Variants in GPR39 observed in about 807,000 individuals in gnomAD.
The protein encoded by GPR39 is G protein-coupled receptor 39.
In GPR39, 23 loss-of-function variants were observed where a neutral mutation model predicts 18.4. The observed-to-expected ratio is 1.25, with a 90% CI of 0.90 to 1.77. The LOEUF is 1.77. Among genes scored for constraint, GPR39 ranks in the 40% most tolerant of loss-of-function variants. The pLI is 0.00. For missense variants in GPR39, 647 were observed against 602.4 expected (o/e 1.07, Z -0.78); for synonymous variants, 280 against 257.9 (o/e 1.09, Z -0.82).
At chr2:132,547,868 T>G (rs1679976702) in intron 1 of GPR39, among the ~76,000 whole-genome samples, 1 of 152,198 alleles carries the variant, frequency 6.6e-6, no homozygotes, top group Admixed American at 6.5e-5. Flanking sequence ...CTAAGGCTGT[T>G]TAGGAATGTG....
intron 1 of GPR39, among the ~76,000 whole-genome samples, chr2:132,480,043 A>T (rs1391912805): frequency 2.0e-5 from 3 of 152,222 alleles, no homozygotes; most frequent in Non-Finnish European, 4.4e-5. Flanking sequence ...CCATCAACAG[A>T]TGGTATATAC....
intron 1 of GPR39, among the ~76,000 whole-genome samples, chr2:132,536,818 G>C (rs547719350): frequency 6.6e-6 from 1 of 152,220 alleles, no homozygotes; most frequent in Non-Finnish European, 1.5e-5. Flanking sequence ...TTACCGTTAT[G>C]TAATGCACTT....
At chr2:132,525,994 A>G (rs1448947605) in intron 1 of GPR39, among the ~76,000 whole-genome samples, 2 of 152,198 alleles carry the variant, frequency 1.3e-5, no homozygotes, top group Non-Finnish European at 2.9e-5. Context: ...CTTTTCTAGG[A>G]AAACAGACCA....
chr2:132,586,918 T>C (rs1680741103), intron 1 of GPR39, among the ~76,000 whole-genome samples: 1 of 152,222 alleles, frequency 6.6e-6, no homozygotes, highest in Non-Finnish European at 1.5e-5. Flanking sequence ...CAGGTTGATG[T>C]CCATCAGAAA....
chr2:132,474,276 G>A (rs186944359), intron 1 of GPR39, among the ~76,000 whole-genome samples: 60 of 152,312 alleles, frequency 3.9e-4, no homozygotes, highest in African/African-American at 1.1e-3. Flanking sequence ...TCTTCCTCAA[G>A]GAAACCTAAT....
intron 1 of GPR39, among the ~76,000 whole-genome samples, chr2:132,586,060 G>A (rs1015333152): frequency 4.0e-5 from 6 of 150,614 alleles, no homozygotes; most frequent in Non-Finnish European, 7.4e-5. Flanking sequence ...GCTGCCGCTG[G>A]TGGGAAGCTG....
intron 1 of GPR39, among the ~76,000 whole-genome samples, chr2:132,570,226 C>T (rs1680418911): frequency 6.6e-6 from 1 of 152,086 alleles, no homozygotes; most frequent in Non-Finnish European, 1.5e-5. Flanking sequence ...CTTCAACTGC[C>T]CTGCTCTCTG....
At chr2:132,639,613 C>T (rs779327565) in intron 1 of GPR39, among the ~76,000 whole-genome samples, 5 of 152,052 alleles carry the variant, frequency 3.3e-5, no homozygotes, top group African/African-American at 7.2e-5. Flanking sequence ...GATGGATGGA[C>T]GGATGAATGG....
intron 1 of GPR39, among the ~76,000 whole-genome samples, chr2:132,421,496 A>T: frequency 6.6e-6 from 1 of 152,194 alleles, no homozygotes; most frequent in East Asian, 1.9e-4. Flanking sequence ...ATCATAGAAG[A>T]TTCATAACTC....
intron 1 of GPR39, among the ~76,000 whole-genome samples, chr2:132,480,717 G>A (rs768018525): frequency 9.9e-5 from 15 of 152,212 alleles, no homozygotes; most frequent in African/African-American, 1.4e-4. Context: ...CTTATGTGGG[G>A]AGATAAGGAG....
intron 1 of GPR39, among the ~76,000 whole-genome samples, chr2:132,617,841 G>A (rs1285536013): frequency 6.6e-6 from 1 of 152,196 alleles, no homozygotes; most frequent in African/African-American, 2.4e-5. Context: ...AAATATCTGA[G>A]CCTCAGTGTC....
intron 1 of GPR39, among the ~76,000 whole-genome samples, chr2:132,499,266 C>A (rs1017300375): frequency 1.3e-5 from 2 of 152,146 alleles, no homozygotes; most frequent in African/African-American, 4.8e-5. Flanking sequence ...CAGTTTCATT[C>A]TTCTACGTGT....
intron 1 of GPR39, among the ~76,000 whole-genome samples, chr2:132,539,671 C>T (rs931050494): frequency 6.6e-6 from 1 of 152,128 alleles, no homozygotes; most frequent in African/African-American, 2.4e-5. Flanking sequence ...GAGTGCTTGC[C>T]TGGGTGGTTC....
intron 1 of GPR39, among the ~76,000 whole-genome samples, chr2:132,585,880 G>A (rs1199616058): frequency 4.0e-5 from 6 of 151,604 alleles, no homozygotes; most frequent in African/African-American, 1.2e-4. Context: ...TGTTGTTATC[G>A]TGGGGTACCC....
chr2:132,588,320 A>G (rs1219631988), intron 1 of GPR39, among the ~76,000 whole-genome samples: 1 of 152,042 alleles, frequency 6.6e-6, no homozygotes, highest in Non-Finnish European at 1.5e-5. Flanking sequence ...GGTGGGAGGG[A>G]AGGATGGCCA....
intron 1 of GPR39, among the ~76,000 whole-genome samples, chr2:132,514,190 G>A (rs144863392): frequency 9.2e-5 from 14 of 152,204 alleles, no homozygotes; most frequent in Non-Finnish European, 1.3e-4. Context: ...GGGATGCAGT[G>A]GGACCCAATT....
intron 1 of GPR39, among the ~76,000 whole-genome samples, chr2:132,636,054 G>C (rs1383016333): frequency 6.6e-6 from 1 of 152,190 alleles, no homozygotes; most frequent in African/African-American, 2.4e-5. Flanking sequence ...TGTTATGGCA[G>C]CCTGAGTTGA....
chr2:132,564,813 T>TTC (rs1233623447), intron 1 of GPR39, among the ~76,000 whole-genome samples: 1 of 125,204 alleles, frequency 8.0e-6, no homozygotes, highest in Non-Finnish European at 1.7e-5. Flanking sequence ...CTTTTTTCTT[T>TTC]TTTTTTTTTT....
At chr2:132,456,729 C>T (rs1211722173) in intron 1 of GPR39, among the ~76,000 whole-genome samples, 2 of 152,132 alleles carry the variant, frequency 1.3e-5, no homozygotes, top group Non-Finnish European at 2.9e-5. Context: ...ATTTCTCCTT[C>T]ACTTATGAAG....
Sources: allele counts gnomAD v4.1 joint callset (sites outside exome capture counted in the v4.1 genomes callset), GRCh38; gene constraint gnomAD v4.1.1; transcripts MANE v1.5; gene names NCBI Gene and HGNC (gene_info 2026-07-23, HGNC 2026-07-21).